The following FOXP1 variants were observed in gnomAD, a reference collection of about 807,000 sequenced individuals.
The protein encoded by FOXP1 is forkhead box protein P1.
Under a neutral mutation model 98.2 loss-of-function variants are expected in FOXP1, and 15 were observed. The observed-to-expected ratio is 0.15, with a 90% CI of 0.10 to 0.24. The LOEUF (loss-of-function observed/expected upper bound fraction) is 0.24. Ranked by LOEUF, FOXP1 falls within the 10% of genes least tolerant of loss-of-function variation. The pLI, the probability that FOXP1 is intolerant of heterozygous loss-of-function variation, is 1.00. For synonymous variants in FOXP1, 371 were observed against 314.5 expected, an observed-to-expected ratio of 1.18 and a Z score of -1.90; for missense variants, 633 against 848.5, an observed-to-expected ratio of 0.75 and a Z score of 3.15.
In FOXP1 at chr3:71,357,090, A is replaced by G. The variant is rs557055743; in HGVS notation, c.-73+2060T>C. Among the ~76,000 whole-genome samples the G allele has an allele frequency of 1.7e-4, 26 of 152,270 alleles. No individual in the cohort carries two copies. In the South Asian group the frequency reaches 5.2e-3, roughly 30 times the overall value. ...AGTTCTGTCCCGTCCTTGAGTCTAC[A>G]TAAGAACAGAGGGACAATGCAAAGC... On this transcript the variant is annotated intron_variant, in intron 4 of 20. Coordinates refer to ENST00000649528, the MANE Select transcript of FOXP1 (RefSeq NM_001349338.3).
At chr3:71,178,030 C>T (rs767653868) in intron 6 of FOXP1, among the ~76,000 whole-genome samples, 2 of 149,160 alleles carry the variant, frequency 1.3e-5, no homozygotes, top group African/African-American at 2.5e-5. Flanking sequence ...GATGAGGTCT[C>T]GCTATGTTGC....
chr3:71,528,148 C>T (rs2043547412), intron 2 of FOXP1, among the ~76,000 whole-genome samples: 1 of 152,108 alleles, frequency 6.6e-6, no homozygotes, highest in Non-Finnish European at 1.5e-5. Flanking sequence ...CTTCTTGGTT[C>T]TCTTTATGAA....
chr3:71,047,317 T>A (rs2049157017), intron 9 of FOXP1, among the ~76,000 whole-genome samples: 1 of 152,150 alleles, frequency 6.6e-6, no homozygotes, highest in African/African-American at 2.4e-5. Context: ...CATAAACACA[T>A]AATTCGTCCA....
chr3:71,434,294 C>T (rs2085004402), intron 3 of FOXP1, among the ~76,000 whole-genome samples: 1 of 151,700 alleles, frequency 6.6e-6, no homozygotes, highest in South Asian at 2.1e-4. Context: ...GACTTGTTCC[C>T]CCGCAGTCAG....
At chr3:71,397,038 A>ATATATATACACATATATATGTG (rs2081519070) in intron 3 of FOXP1, among the ~76,000 whole-genome samples, 2 of 65,030 alleles carry the variant, frequency 3.1e-5, no homozygotes, top group South Asian at 4.1e-4. Flanking sequence ...ATATATGTGT[A>ATATATATACACATATATATGTG]TATATATATA....
intron 7 of FOXP1, among the ~76,000 whole-genome samples, chr3:71,077,296 CTT>C (rs536503136): frequency 1.1e-3 from 175 of 152,302 alleles, no homozygotes; most frequent in East Asian, 0.01. Context: ...CCTGAGGTCT[CTT>C]TTTAGTGCAC....
intron 5 of FOXP1, among the ~76,000 whole-genome samples, chr3:71,233,684 T>A (rs2066528749): frequency 6.8e-6 from 1 of 147,052 alleles, no homozygotes; most frequent in South Asian, 2.2e-4. Context: ...TGCCTCGGCC[T>A]CGCACCCCCC....
At chr3:71,313,839 C>G (rs1241877471) in intron 4 of FOXP1, among the ~76,000 whole-genome samples, 2 of 152,136 alleles carry the variant, frequency 1.3e-5, no homozygotes, top group African/African-American at 4.8e-5. Flanking sequence ...ATCTGTATTT[C>G]TTAATGCATC....
chr3:71,164,015 G>A (rs2061278586), intron 6 of FOXP1, among the ~76,000 whole-genome samples: 1 of 152,138 alleles, frequency 6.6e-6, no homozygotes, highest in African/African-American at 2.4e-5. Context: ...GAGTCTGTCT[G>A]TAAAATTCTG....
At position 71,484,513 on chromosome 3, in the gene FOXP1, C is replaced by T. The variant is rs115251725; in HGVS notation, c.-168+8913G>A. Among the ~76,000 whole-genome samples, 923 of 152,268 alleles carry T rather than the reference C, an allele frequency of 6.1e-3. 11 individuals are homozygous for T. Among genetic ancestry groups the T allele is most frequent in the South Asian group, 0.016 (75 of 4,828 alleles). On this transcript the variant is annotated intron_variant, in intron 3 of 20. Transcript: ENST00000649528. ...GCAAAGTCTCAAAAAGGTTCAAATA[C>T]AGTTACAAGCAGCATATATCTAACA...
At chr3:71,106,747 T>G (rs1247831607) in intron 7 of FOXP1, among the ~76,000 whole-genome samples, 1 of 150,478 alleles carries the variant, frequency 6.6e-6, no homozygotes, top group East Asian at 2.0e-4. Context: ...TGCACACCAC[T>G]GCAGTTGCAC....
chr3:71,493,711 A>G (rs1284399161), intron 2 of FOXP1, among the ~76,000 whole-genome samples, 156 bp from the exon 3 acceptor site: 1 of 152,242 alleles, frequency 6.6e-6, no homozygotes, highest in Non-Finnish European at 1.5e-5. Context: ...ATGCTGTTAA[A>G]TATGAACCGG....
At chr3:71,033,136 G>A (rs562869704) in intron 11 of FOXP1, among the ~76,000 whole-genome samples, 4 of 152,322 alleles carry the variant, frequency 2.6e-5, no homozygotes, top group South Asian at 4.1e-4. Flanking sequence ...ATTGGGAGGA[G>A]GGGACACAGG....
At chr3:71,436,727 T>C (rs1466527562) in intron 3 of FOXP1, among the ~76,000 whole-genome samples, 1 of 151,696 alleles carries the variant, frequency 6.6e-6, no homozygotes, top group Non-Finnish European at 1.5e-5. Flanking sequence ...CCGAGAATGA[T>C]GATGAGAATA....
chr3:71,397,554 G>T (rs1411312299), intron 3 of FOXP1, among the ~76,000 whole-genome samples: 1 of 152,176 alleles, frequency 6.6e-6, no homozygotes, highest in Non-Finnish European at 1.5e-5. Flanking sequence ...ACTGAACACT[G>T]GGAAATAAAT....
intron 5 of FOXP1, among the ~76,000 whole-genome samples, chr3:71,299,156 C>G (rs953418043): frequency 6.6e-6 from 1 of 152,128 alleles, no homozygotes; most frequent in Non-Finnish European, 1.5e-5. Context: ...CTTTTTCACT[C>G]CCCCTCCCAA....
At chr3:71,033,532 T>C (rs2047149810) in intron 11 of FOXP1, among the ~76,000 whole-genome samples, 1 of 140,106 alleles carries the variant, frequency 7.1e-6, no homozygotes, top group Non-Finnish European at 1.5e-5. Context: ...TTTATTGAGG[T>C]AAGGCACAAC....
chr3:70,985,608 ACTT>A (rs796810887), intron 14 of FOXP1, among the ~76,000 whole-genome samples: 1 of 152,252 alleles, frequency 6.6e-6, no homozygotes, highest in South Asian at 2.1e-4. Flanking sequence ...ACCAATTTTT[ACTT>A]CTTACATGTA....
chr3:71,202,756 T>C (rs2063754090), intron 5 of FOXP1, among the ~76,000 whole-genome samples: 2 of 152,138 alleles, frequency 1.3e-5, no homozygotes, highest in South Asian at 4.1e-4. Flanking sequence ...AAGACAACAA[T>C]GAGAGTGGCA....
Sources: allele counts gnomAD v4.1 joint callset (sites outside exome capture counted in the v4.1 genomes callset), GRCh38; gene constraint gnomAD v4.1.1; transcripts MANE v1.5; gene names NCBI Gene and HGNC (gene_info 2026-07-23, HGNC 2026-07-21).